The following ATRX variants were observed in gnomAD, a reference collection of about 807,000 sequenced individuals.
The protein encoded by ATRX is chromatin remodeler ATRX.
Under a neutral mutation model 172.6 loss-of-function variants are expected in ATRX, and 12 were observed. The observed-to-expected ratio is 0.07, with a 90% CI of 0.04 to 0.11. The LOEUF is 0.11. Among genes scored for constraint, ATRX ranks in the 10% least tolerant of loss-of-function variants. ATRX has a pLI of 1.00. For missense variants in ATRX, 1,368 were observed against 1,767.4 expected (o/e 0.77, Z 4.05); for synonymous variants, 674 against 594.7 (o/e 1.13, Z -1.94).
intron 12 of ATRX, among the ~76,000 whole-genome samples, chrX:77,659,463 CT>C (rs1290406563): frequency 1.1e-5 from 1 of 92,285 alleles, no homozygotes; most frequent in African/African-American, 3.9e-5. Flanking sequence ...ACCACATTTG[CT>C]TTTTTTCTTT....
Position 77,682,707 on chromosome X carries a change from G to C in ATRX, c.2549C>G (p.Ser850Cys), listed in dbSNP as rs2071294359. The change falls in exon 9 of 35, where the codon TCT becomes TGT. Residue 850 changes from serine (S) to cysteine (C), a missense_variant. Transcript: ENST00000373344. ...TTTTTTGCTGTGTTTCTCATCTTCA[G>C]AAGAGTCAAAATCTTTTGTATTTGG... ...RIPNTKDFDS[S>C]EDEKHSKKGM... 8.3e-7 allele frequency: 1 copy of C among 1,209,391 alleles called. No individual in the cohort carries two copies. The highest frequency in any genetic ancestry group is 1.1e-6 in the Non-Finnish European group (1 of 895,130).
At chrX:77,615,019 G>A (rs1284317913) in intron 22 of ATRX, among the ~76,000 whole-genome samples, 1 of 109,121 alleles carries the variant, frequency 9.2e-6, no homozygotes, top group Non-Finnish European at 1.9e-5. Context: ...TTGTTGTTGA[G>A]ACAAGGTAGT....
chrX:77,634,064 G>A (rs1457770296), intron 17 of ATRX, among the ~76,000 whole-genome samples: 1 of 109,889 alleles, frequency 9.1e-6, no homozygotes, highest in African/African-American at 3.3e-5. Flanking sequence ...CCACTTTAAT[G>A]TGTTCTGACC....
chrX:77,746,821 T>C (rs2075096762), intron 1 of ATRX, among the ~76,000 whole-genome samples: 1 of 111,506 alleles, frequency 9.0e-6, no homozygotes, highest in Non-Finnish European at 1.9e-5. Context: ...TTTTTTGAGA[T>C]GGAGTCTTGC....
intron 9 of ATRX, among the ~76,000 whole-genome samples, chrX:77,678,209 G>A (rs2071000529): frequency 1.1e-5 from 1 of 92,610 alleles, no homozygotes; most frequent in Non-Finnish European, 2.2e-5. Context: ...GTGGCAGAGT[G>A]AGACTTCAAC....
intron 2 of ATRX, among the ~76,000 whole-genome samples, chrX:77,700,955 A>G (rs985861536): frequency 8.9e-6 from 1 of 112,800 alleles, no homozygotes; most frequent in Non-Finnish European, 1.9e-5. Flanking sequence ...ATGATACCAC[A>G]ATGGTGAATG....
At chrX:77,514,999 T>C (rs1237804394) in intron 34 of ATRX, among the ~76,000 whole-genome samples, 1 of 111,692 alleles carries the variant, frequency 9.0e-6, no homozygotes, top group Non-Finnish European at 1.9e-5. Context: ...CCAACAATCA[T>C]ATGAAAAAAA....
chrX:77,744,920 G>A (rs2075005041), intron 1 of ATRX, among the ~76,000 whole-genome samples: 1 of 108,982 alleles, frequency 9.2e-6, no homozygotes, highest in Non-Finnish European at 1.9e-5. Flanking sequence ...GGCTTGAACC[G>A]AGGAGGCAGA....
chrX:77,541,047 T>C (rs782814149), intron 30 of ATRX, among the ~76,000 whole-genome samples: 2 of 110,531 alleles, frequency 1.8e-5, no homozygotes, highest in Non-Finnish European at 3.8e-5. Context: ...TTTGAAAAGA[T>C]CAACAAAATA....
intron 19 of ATRX, among the ~76,000 whole-genome samples, chrX:77,621,856 AC>A (rs1294996046): frequency 9.1e-6 from 1 of 109,846 alleles, no homozygotes; most frequent in Non-Finnish European, 1.9e-5. Flanking sequence ...AAAAACAACA[AC>A]AACAACAACA....
chrX:77,716,319 AAAAAATAT>A (rs1802834893), intron 2 of ATRX, among the ~76,000 whole-genome samples: 1 of 41,343 alleles, frequency 2.4e-5, no homozygotes, highest in African/African-American at 6.4e-5. Flanking sequence ...AAAAAAAAAA[AAAAAATAT>A]ATATATATAT....
chrX:77,725,798 C>G (rs2074005744), intron 1 of ATRX, among the ~76,000 whole-genome samples: 1 of 112,010 alleles, frequency 8.9e-6, no homozygotes, highest in Non-Finnish European at 1.9e-5. Context: ...ACAACCCCAT[C>G]AAAAAGTAGG....
At chrX:77,664,251 TTTC>T (rs200213091) in intron 11 of ATRX, among the ~76,000 whole-genome samples, 37 of 110,981 alleles carry the variant, frequency 3.3e-4, no homozygotes, top group East Asian at 2.3e-3. Context: ...AGAGATTTTT[TTTC>T]TTCTTCTTCT....
At chrX:77,512,211 C>CA (rs2062893670) in intron 34 of ATRX, among the ~76,000 whole-genome samples, 1 of 111,603 alleles carries the variant, frequency 9.0e-6, no homozygotes, top group Admixed American at 9.5e-5. Flanking sequence ...AACAAACAAA[C>CA]AAAAAACTTT....
At chrX:77,662,686 A>T (rs1178767112) in intron 12 of ATRX, among the ~76,000 whole-genome samples, 1 of 110,752 alleles carries the variant, frequency 9.0e-6, no homozygotes, top group Non-Finnish European at 1.9e-5. Context: ...GATATGCTTA[A>T]ATTTTTTTTT....
At chrX:77,624,136 C>T (rs1341862135) in intron 19 of ATRX, among the ~76,000 whole-genome samples, 3 of 111,169 alleles carry the variant, frequency 2.7e-5, no homozygotes, top group Admixed American at 9.6e-5. Flanking sequence ...GGAGGCTGAG[C>T]GGGCAGATCA....
intron 28 of ATRX, among the ~76,000 whole-genome samples, chrX:77,571,774 C>T (rs1192009829): frequency 1.8e-5 from 2 of 111,484 alleles, no homozygotes; most frequent in Non-Finnish European, 3.8e-5. Flanking sequence ...CCTCTCTGTA[C>T]TTGCAAGTTC....
At chrX:77,524,610 T>A (rs1242587926) in intron 30 of ATRX, among the ~76,000 whole-genome samples, 3 of 111,659 alleles carry the variant, frequency 2.7e-5, no homozygotes, top group African/African-American at 9.8e-5. Context: ...TGACACTAAT[T>A]CCAAATATTC....
At chrX:77,725,046 T>C (rs2073966200) in intron 1 of ATRX, among the ~76,000 whole-genome samples, 1 of 111,905 alleles carries the variant, frequency 8.9e-6, no homozygotes, top group South Asian at 3.7e-4. Flanking sequence ...TGTTACTCTC[T>C]TCCTCCCTCT....
Sources: allele counts gnomAD v4.1 joint callset (sites outside exome capture counted in the v4.1 genomes callset), GRCh38; gene constraint gnomAD v4.1.1; transcripts MANE v1.5; gene names NCBI Gene and HGNC (gene_info 2026-07-23, HGNC 2026-07-21).